The following PRRT2 variants were observed in gnomAD, a reference collection of about 807,000 sequenced individuals.
PRRT2 encodes the protein proline rich transmembrane protein 2.
PRRT2 carries 9 observed loss-of-function variants against 24.7 expected under a neutral mutation model. The ratio of observed to expected loss-of-function variants is 0.36; its 90% CI spans 0.22 to 0.64. The LOEUF (loss-of-function observed/expected upper bound fraction) is 0.64. PRRT2 is among the 30% of genes least tolerant of loss of function. The pLI is 0.65. For synonymous variants in PRRT2, 195 were observed against 175.5 expected (o/e 1.11, Z -0.88); for missense variants, 460 against 435.0 (o/e 1.06, Z -0.51).
At position 29,813,858 on chromosome 16, in the gene PRRT2, C is replaced by T; in HGVS notation, c.804C>T (p.Tyr268=). ...AAGGCACCCAGAAACCTCGGGACTA[C>T]ATCATCCTTGCCATCCTGTCCTGCT... ...GGEGTQKPRD[Y]IILAILSCFC... The change falls in exon 2 of 4, where the codon TAC becomes TAT. Residue 268 remains tyrosine, a synonymous_variant. Transcript: ENST00000358758. The T allele has an allele frequency of 1.2e-6, 2 of 1,613,788 alleles. No homozygotes were observed. The highest frequency in any genetic ancestry group is 1.1e-5 in the South Asian group (1 of 91,050).
At position 29,814,700 on chromosome 16, in the gene PRRT2, T is replaced by A; in HGVS notation, c.*62T>A. 1.3e-6 allele frequency: 2 copies of A among 1,540,026 alleles called. No homozygotes were observed. On this transcript the variant is annotated 3_prime_UTR_variant, in exon 4 of 4. Transcript: ENST00000358758. This position sits in a 1 kb window ranked among gnomAD's most constrained non-coding sequence, Gnocchi z 4.1. ...TTGGGAGCTGCCTTGGGCCCATCCC[T>A]CCCCTGGGGGGAGCCCAACTGATGG...
chr16:29,812,356 G>A (rs1304823390), intron 1 of PRRT2, 33 bp downstream of exon 1: 1 of 154,068 alleles, frequency 6.5e-6, no homozygotes, highest in East Asian at 1.9e-4. Context: ...CTGCGGGTAG[G>A]AGTGGACCGA....
rs1380491286 is a variant in PRRT2 at position 29,813,541 on chromosome 16, CAGG to C, written c.492_494del (p.Glu164del). Reference sequence around the variant, plus strand: ...AGCCCTTCAACCAGAGCTCCCTACCCAGGAGGACCCCACCCCTGAGATTCTGTC... The same window carrying C: ...AGCCCTTCAACCAGAGCTCCCTACCCAGGACCCCACCCCTGAGATTCTGTC... On this transcript the variant is annotated inframe_deletion, in exon 2 of 4. Coordinates refer to ENST00000358758, the MANE Select transcript of PRRT2 (RefSeq NM_145239.3). 6.2e-7 allele frequency: 1 copy of C among 1,613,730 alleles called. No individual in the cohort carries two copies. Among genetic ancestry groups the C allele is most frequent in the Non-Finnish European group, 8.5e-7 (1 of 1,179,826 alleles).
chr16:29,813,985 C>A, intron 2 of PRRT2, 52 bp downstream of exon 2: 1 of 1,531,348 alleles, frequency 6.5e-7, no homozygotes, highest in Non-Finnish European at 8.8e-7. Context: ...CAGCTTCCCG[C>A]CAGCGCTGCA....
intron 1 of PRRT2, 67 bp downstream of exon 1, chr16:29,812,390 T>C (rs1405427941): frequency 6.5e-6 from 1 of 153,090 alleles, no homozygotes; most frequent in Non-Finnish European, 1.5e-5. Context: ...CCGGGCGGAC[T>C]GCACGGGAAT....
At position 29,813,677 on chromosome 16, in the gene PRRT2, C is replaced by T. The variant is rs201409113; in HGVS notation, c.623C>T (p.Ser208Phe). ...CCTCACTCACCACCCTCAAAAAAAT[C>T]CCCCCCAGCCAATGGGGCCCCCCCC... ...PEPHSPPSKK[S>F]PPANGAPPRV... The change falls in exon 2 of 4, where the codon TCC becomes TTC. Residue 208 changes from serine (S) to phenylalanine (F), a missense_variant. By Grantham distance (155) the Ser-to-Phe change is radical. This residue lies in a region of PRRT2 where 378 missense variants were observed against 324.6 expected (regional missense o/e 1.16). Transcript: ENST00000358758. 1.0e-5 allele frequency: 16 copies of T among 1,541,704 alleles called. No individual in the cohort carries two copies. The highest frequency in any genetic ancestry group is 2.7e-5 in the African/African-American group (2 of 72,844).
chr16:29,814,810 C>T lies in PRRT2; in HGVS notation c.*172C>T. On this transcript the variant is annotated 3_prime_UTR_variant, in exon 4 of 4. Coordinates refer to ENST00000358758, the MANE Select transcript of PRRT2 (RefSeq NM_145239.3). The surrounding 1 kb of genome is among the most constrained non-coding windows in gnomAD (Gnocchi z 4.1). ...CCTGCTCCTGCATCTTGCCAGGCTC[C>T]TCTGCCAACTGTAGGCCTGCCTCAT... The T allele has an allele frequency of 4.4e-6, 3 of 674,878 alleles. No individual in the cohort carries two copies. The highest frequency in any genetic ancestry group is 1.9e-5 in the South Asian group (1 of 51,592). The allele number at this position is 674,878 out of a possible 1,614,324, so 41.8% of individuals were successfully genotyped here.
Position 29,813,613 on chromosome 16 carries a change from C to T in PRRT2, c.559C>T (p.Leu187=). The T allele has an allele frequency of 6.2e-7, 1 of 1,613,376 alleles. No homozygotes were observed. Among genetic ancestry groups the T allele is most frequent in the Non-Finnish European group, 8.5e-7 (1 of 1,179,698 alleles). ...EKQENGAVVP[L]QAGDGEEGPA... is the part of the protein sequence containing the mutation. Reference sequence around the variant, plus strand: ...GCAAGAGAATGGGGCAGTGGTGCCCCTGCAGGCTGGTGATGGGGAAGAGGG... The same window carrying T: ...GCAAGAGAATGGGGCAGTGGTGCCCTTGCAGGCTGGTGATGGGGAAGAGGG... The change falls in exon 2 of 4, where the codon CTG becomes TTG. Residue 187 remains leucine (L), a synonymous_variant. Transcript: ENST00000358758.
rs1900164985 is a variant in PRRT2 at position 29,814,775 on chromosome 16, C to T, written c.*137C>T. The stretch of plus-strand genomic sequence containing the variant: ...AAGGGAGCCTGAGCGGCCTTGTTTA[C>T]AGCTTCTGTCCTGCTCCTGCATCTT... On this transcript the variant is annotated 3_prime_UTR_variant, in exon 4 of 4. Transcript: ENST00000358758. This position sits in a 1 kb window ranked among gnomAD's most constrained non-coding sequence, Gnocchi z 4.1. 5 of 896,934 alleles carry T rather than the reference C, an allele frequency of 5.6e-6. No individual in the cohort carries two copies. In the South Asian group the frequency reaches 8.3e-5, roughly 15 times the overall value. The allele number at this position is 896,934 out of a possible 1,614,324, so 55.6% of individuals were successfully genotyped here.
Position 29,814,958 on chromosome 16 carries a change from C to G in PRRT2, c.*320C>G. On this transcript the variant is annotated 3_prime_UTR_variant, in exon 4 of 4. Coordinates refer to ENST00000358758, the MANE Select transcript of PRRT2 (RefSeq NM_145239.3). The surrounding 1 kb of genome is among the most constrained non-coding windows in gnomAD (Gnocchi z 4.1). ...GAAACCTCCCTGAACACCTCCCCAACTCTGCGCTCTCAGCCTCCCTGCATC... is the reference window on the plus strand; with the variant it reads ...GAAACCTCCCTGAACACCTCCCCAAGTCTGCGCTCTCAGCCTCCCTGCATC... 1 of 366,612 alleles carries G rather than the reference C, an allele frequency of 2.7e-6. No homozygotes were observed. Among genetic ancestry groups the G allele is most frequent in the Non-Finnish European group, 5.0e-6 (1 of 201,598 alleles). The allele number at this position is 366,612 out of a possible 1,614,324, so 22.7% of individuals were successfully genotyped here. A position where few individuals can be genotyped will look rare whatever the true frequency, so the allele number is the denominator to read the frequency against.
Position 29,813,028 on chromosome 16 carries a change from G to C in PRRT2, c.-27G>C. On this transcript the variant is annotated 5_prime_UTR_variant, in exon 2 of 4. Coordinates refer to ENST00000358758, the MANE Select transcript of PRRT2 (RefSeq NM_145239.3). ...CTCTGCTATTCCATCCTCCCCATAG[G>C]GGCTCTCTCCCCTCTCCCATCTCAA... is the stretch of plus-strand genomic sequence containing the variant. The C allele has an allele frequency of 6.4e-7, 1 of 1,568,596 alleles. No homozygotes were observed. The highest frequency in any genetic ancestry group is 8.6e-7 in the Non-Finnish European group (1 of 1,159,978).
chr16:29,812,241 C>T lies in PRRT2; in HGVS notation c.-148C>T, dbSNP rs963308286. The T allele has an allele frequency of 6.1e-6, 1 of 163,346 alleles. No individual in the cohort carries two copies. Among genetic ancestry groups the T allele is most frequent in the Non-Finnish European group, 1.3e-5 (1 of 74,434 alleles). The allele number at this position is 163,346 out of a possible 1,614,324, so 10.1% of individuals were successfully genotyped here. On this transcript the variant is annotated 5_prime_UTR_variant, in exon 1 of 4. Transcript: ENST00000358758. Reference sequence around the variant, plus strand: ...GGAGACCCGCCGCCTCCCTCCCTCCCTAGCTGACTTGCTCCCTCCCGGGCT... The same window carrying T: ...GGAGACCCGCCGCCTCCCTCCCTCCTTAGCTGACTTGCTCCCTCCCGGGCT...
chr16:29,813,915 C>T lies in PRRT2; in HGVS notation c.861C>T (p.Ala287=). 1.9e-6 allele frequency: 3 copies of T among 1,600,026 alleles called. No homozygotes were observed. The highest frequency in any genetic ancestry group is 2.6e-6 in the Non-Finnish European group (3 of 1,172,972). Residue 287 remains alanine (A), a synonymous_variant, in exon 2 of 4, where the codon GCC becomes GCT. Transcript: ENST00000358758. The part of the protein sequence containing the change: ...FCPMWPVNIV[A]FAYAVMSRNS... ...CCATGTGGCCTGTCAACATCGTGGC[C>T]TTCGCTTATGCTGTCATGGTGAGCC...
chr16:29,812,346 C>T (rs1305967411), intron 1 of PRRT2, 23 bp downstream of exon 1: 1 of 154,762 alleles, frequency 6.5e-6, no homozygotes. Context: ...CAGACTGAGG[C>T]TGCGGGTAGG....
rs760699445 is a variant in PRRT2, at chr16:29,813,339, A to G, written c.285A>G (p.Ser95=). ...TCAGCTTAAGCCCAGGAGGGGAATC[A>G]AAGGCCAACTGCAGCCCCGAAGACC... ...TDLSLSPGGE[S]KANCSPEDPC... The change falls in exon 2 of 4, where the codon TCA becomes TCG. Residue 95 remains serine, a synonymous_variant. Coordinates refer to ENST00000358758, the MANE Select transcript of PRRT2 (RefSeq NM_145239.3). The G allele has an allele frequency of 6.2e-7, 1 of 1,614,116 alleles. No homozygotes were observed.
rs539726929 is a variant in PRRT2 at position 29,813,197 on chromosome 16, C to T, written c.143C>T (p.Pro48Leu). Residue 48 changes from proline (P) to leucine (L), a missense_variant, in exon 2 of 4, where the codon CCG (proline) becomes CTG (leucine). Pro to Leu is a moderately conservative substitution (Grantham distance 98, BLOSUM62 -3). Transcript: ENST00000358758. The part of the protein sequence containing the change: ...LAGVPDQPEA[P>L]QPGPNTTAAP... ...GGGGTACCAGACCAGCCAGAGGCCC[C>T]GCAGCCAGGTCCAAACACCACTGCG... 3 of 1,613,906 alleles carry T rather than the reference C, an allele frequency of 1.9e-6. No individual in the cohort carries two copies. Among genetic ancestry groups the T allele is most frequent in the South Asian group, 1.1e-5 (1 of 91,078 alleles).
Position 29,813,697 on chromosome 16 carries a change from C to A in PRRT2, c.643C>A (p.Pro215Thr), listed in dbSNP as rs374642875. Reference sequence around the variant, plus strand: ...AAAATCCCCCCCAGCCAATGGGGCCCCCCCCCGAGTGCTGCAGCAGCTGGT... The same window carrying A: ...AAAATCCCCCCCAGCCAATGGGGCCACCCCCCGAGTGCTGCAGCAGCTGGT... ...SKKSPPANGA[P>T]PRVLQQLVEE... The change falls in exon 2 of 4, where the codon CCC (proline) becomes ACC (threonine). Residue 215 changes from proline (P) to threonine (T), a missense_variant. By Grantham distance (38) the Pro-to-Thr change is conservative. This residue lies in a region of PRRT2 where 378 missense variants were observed against 324.6 expected (regional missense o/e 1.16). Transcript: ENST00000358758. The A allele has an allele frequency of 6.4e-6, 10 of 1,567,344 alleles. No individual in the cohort carries two copies. The East Asian group carries it at 1.2e-4, about 18-fold the overall frequency.
rs757148846 is a variant in PRRT2 at position 29,813,066 on chromosome 16, C to A, written c.12C>A (p.Ser4Arg). 3.1e-6 allele frequency: 5 copies of A among 1,600,758 alleles called. No individual in the cohort carries two copies. Among genetic ancestry groups the A allele is most frequent in the Non-Finnish European group, 4.3e-6 (5 of 1,174,062 alleles). ...TCTCCCATCTCAAGATGGCAGCCAG[C>A]AGCTCTGAGATCTCTGAGATGAAGG... MAASSSEISEMKGV... is the reference protein window; with the variant it reads MAARSSEISEMKGV... The change falls in exon 2 of 4, where the codon AGC becomes AGA. Residue 4 changes from serine (S) to arginine (R), a missense_variant. Physicochemically the swap from Ser to Arg is moderately radical, Grantham distance 110. Transcript: ENST00000358758.
rs1241416681 is a variant in PRRT2, at chr16:29,814,601, T to A, written c.1013-27T>A. On this transcript the variant is annotated intron_variant, in intron 3 of 3. Coordinates refer to ENST00000358758, the MANE Select transcript of PRRT2 (RefSeq NM_145239.3). The surrounding 1 kb of genome is among the most constrained non-coding windows in gnomAD (Gnocchi z 4.1). Reference sequence around the variant, plus strand: ...CTCTCCTTGTCTCCCCCTCCCCCCGTCTGTCCTTCCCTCTCCTCTCCCACA... The same window carrying A: ...CTCTCCTTGTCTCCCCCTCCCCCCGACTGTCCTTCCCTCTCCTCTCCCACA... 6.6e-7 allele frequency: 1 copy of A among 1,511,882 alleles called. No homozygotes were observed. The highest frequency in any genetic ancestry group is 1.1e-5 in the South Asian group (1 of 89,276). The allele number at this position is 1,511,882 out of a possible 1,614,324, so 93.7% of individuals were successfully genotyped here.
Sources: gnomAD v4.1 joint callset for allele counts on GRCh38, gnomAD v4.1.1 for gene constraint, gnomAD v4.1.1 regional missense constraint, Gnocchi (gnomAD v3.1) non-coding constraint, MANE v1.5 for transcripts, NCBI Gene and HGNC (gene_info 2026-07-23, HGNC 2026-07-21) for gene names.